The following AASS variants were observed in gnomAD, a reference collection of about 807,000 sequenced individuals.
The protein encoded by AASS is alpha-aminoadipic semialdehyde synthase, mitochondrial.
In AASS, 86 loss-of-function variants were observed where a neutral mutation model predicts 105.4. That is an observed-to-expected ratio of 0.82 (90% CI 0.69 to 0.98). AASS has a LOEUF of 0.98. Among genes scored for constraint, AASS ranks in the 50% least tolerant of loss-of-function variants. The pLI, the probability that AASS is intolerant of heterozygous loss-of-function variation, is 0.00. For missense variants in AASS, 1,048 were observed against 1,143.2 expected, an observed-to-expected ratio of 0.92 and a Z score of 1.20; for synonymous variants, 381 against 394.8, an observed-to-expected ratio of 0.96 and a Z score of 0.41.
rs1357560227 is a variant in AASS at position 122,074,672 on chromosome 7, C to T, written c.*1817G>A. Among the ~76,000 whole-genome samples the T allele has an allele frequency of 6.6e-6, 1 of 152,076 alleles. No individual in the cohort carries two copies. The highest frequency in any genetic ancestry group is 2.4e-5 in the African/African-American group (1 of 41,392). On this transcript the variant is annotated 3_prime_UTR_variant, in exon 24 of 24. Transcript: ENST00000417368. ...TTATATGCAATATGAGGTAGGAGTC[C>T]AATTTCATTATTTTGCATGTGGATA...
chr7:122,079,339 C>T, intron 21 of AASS: 1 of 1,368,002 alleles, frequency 7.3e-7, no homozygotes, highest in Non-Finnish European at 9.4e-7. Flanking sequence ...TACAGGAAAG[C>T]AAAAATACCC....
chr7:122,109,088 GA>G (rs1161053152), intron 11 of AASS, among the ~76,000 whole-genome samples: 1 of 151,556 alleles, frequency 6.6e-6, no homozygotes, highest in Non-Finnish European at 1.5e-5. Context: ...TTTAACCAAG[GA>G]AATGAAAGAT....
intron 11 of AASS, among the ~76,000 whole-genome samples, chr7:122,103,092 G>A (rs566579358): frequency 1.3e-5 from 2 of 152,024 alleles, no homozygotes; most frequent in Admixed American, 1.3e-4. Context: ...TTCAAGCCTT[G>A]GAAGACAGAT....
At chr7:122,141,648 C>A (rs1216848906) in intron 1 of AASS, among the ~76,000 whole-genome samples, 2 of 133,982 alleles carry the variant, frequency 1.5e-5, no homozygotes, top group African/African-American at 3.1e-5. Context: ...CTCACATCCC[C>A]CTAACCCTGC....
intron 1 of AASS, among the ~76,000 whole-genome samples, chr7:122,135,018 A>G (rs1796079483): frequency 6.6e-6 from 1 of 152,156 alleles, no homozygotes. Context: ...GCAAACTATC[A>G]CAAGGACAGA....
At chr7:122,136,815 A>G (rs1365319931) in intron 1 of AASS, among the ~76,000 whole-genome samples, 3 of 152,148 alleles carry the variant, frequency 2.0e-5, no homozygotes, top group Non-Finnish European at 4.4e-5. Flanking sequence ...CTCTAGCCCA[A>G]GCTTGAATGT....
chr7:122,082,573 G>A (rs965939921), intron 19 of AASS, among the ~76,000 whole-genome samples: 1 of 152,114 alleles, frequency 6.6e-6, no homozygotes, highest in Admixed American at 6.6e-5. Context: ...CAGGGAAATT[G>A]TATCTTTATA....
chr7:122,090,229 G>A (rs570821207), intron 18 of AASS, among the ~76,000 whole-genome samples: 9 of 152,180 alleles, frequency 5.9e-5, no homozygotes, highest in Non-Finnish European at 1.0e-4. Flanking sequence ...ACATCATTCC[G>A]GCATCAAGCT....
chr7:122,092,655 T>C (rs1232651564), intron 17 of AASS, among the ~76,000 whole-genome samples, 188 bp downstream of exon 17: 25 of 151,420 alleles, frequency 1.7e-4, no homozygotes, highest in Non-Finnish European at 1.2e-4. Flanking sequence ...ACCTGGGAGA[T>C]GGAGGTTGCA....
chr7:122,092,461 T>G, intron 17 of AASS, among the ~76,000 whole-genome samples: 1 of 152,092 alleles, frequency 6.6e-6, no homozygotes, highest in East Asian at 1.9e-4. Flanking sequence ...TTTGCAGTTA[T>G]AAGATATTAT....
At chr7:122,079,836 T>G in intron 20 of AASS, 124 bp from the exon 21 acceptor site, 2 of 713,822 alleles carry the variant, frequency 2.8e-6, no homozygotes, top group Middle Eastern at 3.9e-4. Flanking sequence ...TTAAAAATAA[T>G]TGGAAATAGG....
At chr7:122,085,481 G>A (rs766009279) in intron 19 of AASS, among the ~76,000 whole-genome samples, 19 of 151,786 alleles carry the variant, frequency 1.3e-4, no homozygotes, top group South Asian at 6.3e-4. Flanking sequence ...GTTTCCTCCC[G>A]CCCCAGTCCA....
In AASS at chr7:122,098,872, TA is replaced by T. The variant is rs34474265; in HGVS notation, c.1407-7del. ...AAAGTGACTGAGCACGTTCCCTATTTAAAAAAAAAAAAAAAAAAAAAAAAGG... is the reference window on the plus strand; with the variant it reads ...AAAGTGACTGAGCACGTTCCCTATTTAAAAAAAAAAAAAAAAAAAAAAAGG... On this transcript the variant is annotated splice_region_variant and splice_polypyrimidine_tract_variant and intron_variant, in intron 13 of 23. Transcript: ENST00000417368. 198,129 of 1,107,776 alleles carry T rather than the reference TA, an allele frequency of 0.18. No homozygotes were observed. Among genetic ancestry groups the T allele is most frequent in the Non-Finnish European group, 0.19 (166,562 of 881,874 alleles). 68.6% of individuals were successfully genotyped at this position (1,107,776 alleles called of 1,614,324 possible).
intron 3 of AASS, among the ~76,000 whole-genome samples, chr7:122,128,877 GA>G (rs1795780806): frequency 6.6e-6 from 1 of 152,180 alleles, no homozygotes; most frequent in Non-Finnish European, 1.5e-5. Flanking sequence ...AGGAGATTGA[GA>G]CGATCCTGGC....
intron 15 of AASS, among the ~76,000 whole-genome samples, chr7:122,096,673 T>G (rs1794170119): frequency 6.6e-6 from 1 of 152,080 alleles, no homozygotes; most frequent in South Asian, 2.1e-4. Context: ...ATAACATTGT[T>G]TAATGGCATT....
intron 13 of AASS, among the ~76,000 whole-genome samples, chr7:122,099,156 G>A (rs1794315577): frequency 6.6e-6 from 1 of 151,828 alleles, no homozygotes; most frequent in African/African-American, 2.4e-5. Context: ...TATTACTAGT[G>A]AGGTGCAGAT....
intron 6 of AASS, 131 bp from the exon 7 acceptor site, chr7:122,117,088 C>A (rs925781956): frequency 1.6e-4 from 124 of 793,218 alleles, no homozygotes; most frequent in Non-Finnish European, 2.3e-4. Context: ...AGGACTGCAA[C>A]ACAGAAATAC....
chr7:122,130,842 C>T (rs1237865367), intron 2 of AASS, among the ~76,000 whole-genome samples: 1 of 151,860 alleles, frequency 6.6e-6, no homozygotes, highest in South Asian at 2.1e-4. Context: ...TAAATCTGTA[C>T]AATGGAGTAC....
intron 4 of AASS, among the ~76,000 whole-genome samples, chr7:122,125,389 A>G (rs560208902): frequency 1.3e-5 from 2 of 152,308 alleles, no homozygotes; most frequent in Admixed American, 1.3e-4. Flanking sequence ...CAGCACATGA[A>G]CATAAATTTA....
Sources: gnomAD v4.1 joint callset for allele counts (sites outside exome capture counted in the v4.1 genomes callset) on GRCh38, gnomAD v4.1.1 for gene constraint, MANE v1.5 for transcripts, NCBI Gene and HGNC (gene_info 2026-07-23, HGNC 2026-07-21) for gene names.